Variants in PTPRD observed in about 807,000 individuals in gnomAD.
The protein encoded by PTPRD is receptor-type tyrosine-protein phosphatase delta.
A neutral mutation model predicts 214.5 loss-of-function variants in PTPRD; 34 were observed. That is an observed-to-expected ratio of 0.16 (90% CI 0.12 to 0.21). The LOEUF (loss-of-function observed/expected upper bound fraction) is 0.21. PTPRD is among the 10% of genes least tolerant of loss of function. The probability of loss-of-function intolerance (pLI) is 1.00; values close to 1 mark genes in which losing one functional copy is unlikely to be tolerated. For missense variants in PTPRD, 2,545 were observed against 2,398.7 expected (o/e 1.06, Z -1.27); for synonymous variants, 1,128 against 845.7 (o/e 1.33, Z -5.79).
At chr9:10,486,421 C>T (rs375834138) in intron 2 of PTPRD, among the ~76,000 whole-genome samples, 108 of 152,158 alleles carry the variant, frequency 7.1e-4, no homozygotes, top group Non-Finnish European at 1.1e-3. Context: ...TTCCCAGCAC[C>T]GTTTACTGAA....
At chr9:9,607,745 TA>T (rs61080071) in intron 7 of PTPRD, among the ~76,000 whole-genome samples, 43,773 of 140,564 alleles carry the variant, frequency 0.31, 7,192 homozygotes, top group Middle Eastern at 0.41. Context: ...AGACTGTTAG[TA>T]AAAAAAAAAA....
chr9:9,412,448 G>A (rs1029300248), intron 8 of PTPRD, among the ~76,000 whole-genome samples: 1 of 150,860 alleles, frequency 6.6e-6, no homozygotes. Flanking sequence ...ATACAGGTCT[G>A]GGCACAGATA....
At chr9:8,449,888 A>G (rs754824370) in intron 33 of PTPRD, 51 bp from the exon 34 acceptor site, 1 of 1,573,934 alleles carries the variant, frequency 6.4e-7, no homozygotes. Context: ...CAATTGAAAC[A>G]GATAGAAAAG....
intron 10 of PTPRD, among the ~76,000 whole-genome samples, chr9:9,030,021 G>C (rs1033209737): frequency 3.3e-5 from 5 of 151,868 alleles, no homozygotes; most frequent in African/African-American, 1.2e-4. Context: ...GAAAATGGAT[G>C]ATCTACAAAG....
At chr9:8,782,859 G>A (rs989449126) in intron 11 of PTPRD, among the ~76,000 whole-genome samples, 1 of 152,096 alleles carries the variant, frequency 6.6e-6, no homozygotes, top group Non-Finnish European at 1.5e-5. Context: ...CCCCCGCAAA[G>A]GGCTGGGATT....
chr9:9,484,833 T>C (rs2095561363), intron 8 of PTPRD, among the ~76,000 whole-genome samples: 1 of 152,144 alleles, frequency 6.6e-6, no homozygotes, highest in African/African-American at 2.4e-5. Context: ...ATTAGGTCTC[T>C]ATATACCCGG....
At chr9:9,303,524 T>A (rs951169116) in intron 9 of PTPRD, among the ~76,000 whole-genome samples, 4 of 152,084 alleles carry the variant, frequency 2.6e-5, no homozygotes, top group Non-Finnish European at 1.5e-5. Flanking sequence ...TTCACTATTG[T>A]AAAAAGCTAT....
chr9:8,646,368 A>T (rs1253104372), intron 12 of PTPRD, among the ~76,000 whole-genome samples: 1 of 152,192 alleles, frequency 6.6e-6, no homozygotes, highest in Non-Finnish European at 1.5e-5. Flanking sequence ...AAAAAATAAT[A>T]AACCAACTTT....
At chr9:9,653,468 A>AT (rs1217633311) in intron 7 of PTPRD, among the ~76,000 whole-genome samples, 3 of 150,248 alleles carry the variant, frequency 2.0e-5, no homozygotes, top group Admixed American at 6.7e-5. Flanking sequence ...AAATGAATAT[A>AT]TTTTTTTCAA....
chr9:10,012,346 A>T (rs2154107563), intron 4 of PTPRD, among the ~76,000 whole-genome samples: 1 of 151,994 alleles, frequency 6.6e-6, no homozygotes, highest in Middle Eastern at 3.4e-3. Flanking sequence ...TAGCTAAAAA[A>T]GTGGAAAAGC....
rs900882455 is a variant in PTPRD, at chr9:10,092,700, C to T, written c.-544-58910G>A. Among the ~76,000 whole-genome samples, 4 of 151,556 alleles carry T rather than the reference C, an allele frequency of 2.6e-5. No homozygotes were observed. In the Admixed American group the frequency reaches 2.6e-4, roughly 10 times the overall value. Reference sequence around the variant, plus strand: ...AGGCATCATATTACCTGATTTTACACTATACTATAAAGATATAGTAACCAA... The same window carrying T: ...AGGCATCATATTACCTGATTTTACATTATACTATAAAGATATAGTAACCAA... On this transcript the variant is annotated intron_variant, in intron 3 of 45. Coordinates refer to ENST00000381196, the MANE Select transcript of PTPRD (RefSeq NM_002839.4).
At chr9:8,351,158 G>C (rs1166344653) in intron 39 of PTPRD, among the ~76,000 whole-genome samples, 1 of 152,042 alleles carries the variant, frequency 6.6e-6, no homozygotes. Context: ...TCCATGTATT[G>C]ACCCTCTCCA....
intron 35 of PTPRD, among the ~76,000 whole-genome samples, chr9:8,430,190 TG>T (rs1410283341): frequency 6.6e-6 from 1 of 152,176 alleles, no homozygotes; most frequent in African/African-American, 2.4e-5. Context: ...AGGACCACAT[TG>T]GGAACTAGTT....
At chr9:8,553,117 T>G (rs547346026) in intron 14 of PTPRD, among the ~76,000 whole-genome samples, 1 of 152,212 alleles carries the variant, frequency 6.6e-6, no homozygotes. Context: ...AAACTTGTTA[T>G]AACCAAAAGT....
At chr9:9,967,911 C>T (rs551899042) in intron 4 of PTPRD, among the ~76,000 whole-genome samples, 2 of 152,156 alleles carry the variant, frequency 1.3e-5, no homozygotes, top group East Asian at 3.9e-4. Flanking sequence ...TCAATATATA[C>T]TGATATTATG....
At chr9:8,473,232 C>G (rs926278492) in intron 30 of PTPRD, among the ~76,000 whole-genome samples, 10 of 152,150 alleles carry the variant, frequency 6.6e-5, no homozygotes, top group Admixed American at 3.3e-4. Context: ...CAGGATTACA[C>G]CAGCTAGCCA....
intron 14 of PTPRD, among the ~76,000 whole-genome samples, chr9:8,583,004 A>T (rs2093318682): frequency 6.6e-6 from 1 of 152,214 alleles, no homozygotes; most frequent in Non-Finnish European, 1.5e-5. Flanking sequence ...TTAAAAATGG[A>T]TTAATAAATT....
intron 34 of PTPRD, among the ~76,000 whole-genome samples, chr9:8,441,657 A>C (rs955473206): frequency 6.6e-5 from 10 of 152,096 alleles, no homozygotes; most frequent in African/African-American, 2.4e-4. Context: ...TGGACTAGAT[A>C]CTGCTTTGTG....
At chr9:10,443,957 T>G (rs1236406269) in intron 2 of PTPRD, among the ~76,000 whole-genome samples, 2 of 151,698 alleles carry the variant, frequency 1.3e-5, no homozygotes, top group Non-Finnish European at 3.0e-5. Flanking sequence ...TTACTCTATT[T>G]ATATTAATAG....
Sources: allele counts gnomAD v4.1 joint callset (sites outside exome capture counted in the v4.1 genomes callset), GRCh38; gene constraint gnomAD v4.1.1; transcripts MANE v1.5; gene names NCBI Gene and HGNC (gene_info 2026-07-23, HGNC 2026-07-21).